The following NPAS1 variants were observed in gnomAD, a reference collection of about 807,000 sequenced individuals.
NPAS1 encodes the protein neuronal PAS domain-containing protein 1.
NPAS1 carries 29 observed loss-of-function variants against 49.2 expected under a neutral mutation model. That is an observed-to-expected ratio of 0.59 (90% CI 0.44 to 0.80). The LOEUF (loss-of-function observed/expected upper bound fraction) is 0.80. Ranked by LOEUF, NPAS1 falls within the 30% of genes least tolerant of loss-of-function variation. The pLI is 0.00. For missense variants in NPAS1, 825 were observed against 835.5 expected, an observed-to-expected ratio of 0.99 and a Z score of 0.15; for synonymous variants, 408 against 380.4, an observed-to-expected ratio of 1.07 and a Z score of -0.84.
intron 11 of NPAS1, 68 bp downstream of exon 11, chr19:47,042,972 C>G: frequency 8.2e-7 from 1 of 1,218,300 alleles, no homozygotes; most frequent in Non-Finnish European, 1.1e-6. Flanking sequence ...GCTGTCCATT[C>G]CAGAAGCCAC....
chr19:47,037,221 G>A (rs1326285150), intron 6 of NPAS1, among the ~76,000 whole-genome samples: 1 of 151,278 alleles, frequency 6.6e-6, no homozygotes, highest in Admixed American at 6.6e-5. Flanking sequence ...GCGTGGTGCA[G>A]GTGCCTGTGA....
chr19:47,032,354 G>A lies in NPAS1; in HGVS notation c.432+3G>A, dbSNP rs2056912228. The A allele has an allele frequency of 1.2e-6, 2 of 1,613,890 alleles. No homozygotes were observed. Among genetic ancestry groups the A allele is most frequent in the Non-Finnish European group, 1.7e-6 (2 of 1,179,880 alleles). On this transcript the variant is annotated splice_donor_region_variant and intron_variant, in intron 4 of 11. Coordinates refer to ENST00000602212, the MANE Select transcript of NPAS1 (RefSeq NM_002517.4). ...ACCTGGGAGGTCACATCTTGCAGGT[G>A]AGTGAGGCCCCTTCCCTGCCTGCCG... is the stretch of plus-strand genomic sequence containing the variant.
chr19:47,023,227 G>T (rs1303868306), intron 3 of NPAS1, among the ~76,000 whole-genome samples: 1 of 152,166 alleles, frequency 6.6e-6, no homozygotes, highest in African/African-American at 2.4e-5. Flanking sequence ...CATGTGCGCC[G>T]GCGGGGGATA....
In NPAS1 at chr19:47,036,074, C is replaced by T. The variant is rs764250281; in HGVS notation, c.633C>T (p.Pro211=). 2.5e-6 allele frequency: 4 copies of T among 1,593,176 alleles called. No homozygotes were observed. Among genetic ancestry groups the T allele is most frequent in the Admixed American group, 1.8e-5 (1 of 56,634 alleles). ...CGACGCCCGGCCCCCCAACCCCGCC[C>T]TCCGTCTCCTCTTCCTCCTCCTCTT... ...RTPTPGPPTP[P]SVSSSSSSSS... The change falls in exon 6 of 12, where the codon CCC becomes CCT. Residue 211 remains proline, a synonymous_variant. Transcript: ENST00000602212.
intron 1 of NPAS1, 110 bp from the exon 2 acceptor site, chr19:47,020,896 C>A (rs1228685664): frequency 0.029 from 1,857 of 64,626 alleles, 16 homozygotes; most frequent in African/African-American, 0.035. Flanking sequence ...TCATCCAGGC[C>A]CCCCCCCCCC....
At chr19:47,029,024 C>G (rs893420483) in intron 3 of NPAS1, among the ~76,000 whole-genome samples, 24 of 151,990 alleles carry the variant, frequency 1.6e-4, no homozygotes, top group African/African-American at 5.8e-4. Context: ...ATCTCTTTTC[C>G]TCTGTCTCTC....
chr19:47,022,242 A>C (rs2056847122), intron 3 of NPAS1, among the ~76,000 whole-genome samples: 1 of 152,274 alleles, frequency 6.6e-6, no homozygotes, highest in East Asian at 1.9e-4. Flanking sequence ...CTGGATCCAG[A>C]CCTGAGGGGC....
At position 47,040,440 on chromosome 19, in the gene NPAS1, C is replaced by G. The variant is rs759169112; in HGVS notation, c.963-4C>G. ...CTCCTCCCCTCTTCTCTGTCACCCC[C>G]CAGAGTCAGCGACCACATGGACCTG... is the stretch of plus-strand genomic sequence containing the variant. On this transcript the variant is annotated splice_polypyrimidine_tract_variant and splice_region_variant and intron_variant, in intron 8 of 11. Transcript: ENST00000602212. 1.3e-6 allele frequency: 2 copies of G among 1,581,436 alleles called. No homozygotes were observed. Among genetic ancestry groups the G allele is most frequent in the Non-Finnish European group, 1.7e-6 (2 of 1,162,862 alleles).
At chr19:47,020,307 G>A (rs1398554775) in intron 1 of NPAS1, among the ~76,000 whole-genome samples, 4 of 152,036 alleles carry the variant, frequency 2.6e-5, no homozygotes, top group African/African-American at 9.7e-5. Context: ...CAGGAGACCA[G>A]GACACCTGGG....
chr19:47,029,399 A>T (rs944032432), intron 3 of NPAS1, among the ~76,000 whole-genome samples: 2 of 135,012 alleles, frequency 1.5e-5, no homozygotes, highest in East Asian at 4.5e-4. Context: ...ATTTTTATTT[A>T]TTATTATTAT....
In NPAS1 at chr19:47,040,480, G is replaced by C. The variant is rs1159911546; in HGVS notation, c.999G>C (p.Leu333=). Residue 333 remains leucine (L), a synonymous_variant, in exon 9 of 12, where the codon CTG becomes CTC. Coordinates refer to ENST00000602212, the MANE Select transcript of NPAS1 (RefSeq NM_002517.4). ...SDHMDLGPSE[L]VGRSCYQFVH... is the part of the protein sequence containing the mutation. ...ACATGGACCTGGGGCCCTCAGAGCT[G>C]GTGGGCCGCAGCTGCTACCAGTTTG... The C allele has an allele frequency of 1.9e-6, 3 of 1,604,372 alleles. No individual in the cohort carries two copies. The highest frequency in any genetic ancestry group is 4.5e-5 in the East Asian group (2 of 44,424).
Position 47,021,196 on chromosome 19 carries a change from GC to G in NPAS1, c.122+28del. On this transcript the variant is annotated intron_variant, in intron 2 of 11. Transcript: ENST00000602212. The surrounding 1 kb of genome is among the most constrained non-coding windows in gnomAD (Gnocchi z 5.7). ...TGAGCAAAGCCCCGCCCCCCTGGCCGCGGGCCCCCCCCCGGGTCCAATTCAC... is the reference window on the plus strand; with the variant it reads ...TGAGCAAAGCCCCGCCCCCCTGGCCGGGGCCCCCCCCCGGGTCCAATTCAC... 1 of 1,487,306 alleles carries G rather than the reference GC, an allele frequency of 6.7e-7. No homozygotes were observed. The highest frequency in any genetic ancestry group is 1.5e-5 in the African/African-American group (1 of 68,614). 92.1% of individuals were successfully genotyped at this position (1,487,306 alleles called of 1,614,324 possible).
rs1400301481 is a variant in NPAS1, at chr19:47,045,074, AAAC to A, written c.1313-116_1313-114del. The A allele has an allele frequency of 1.1e-3, 1,060 of 959,468 alleles. 15 individuals are homozygous for A. The African/African-American group carries it at 0.017, about 16-fold the overall frequency. The allele number at this position is 959,468 out of a possible 1,614,324, so 59.4% of individuals were successfully genotyped here. ...AAACAAAACAAACAAACAAAAAAAA[AAAC>A]CCCACTCCCAGCTGAGAACTACAGG... is the stretch of plus-strand genomic sequence containing the variant. On this transcript the variant is annotated intron_variant, in intron 11 of 11. Coordinates refer to ENST00000602212, the MANE Select transcript of NPAS1 (RefSeq NM_002517.4).
At chr19:47,038,168 A>T (rs1216003355) in intron 6 of NPAS1, among the ~76,000 whole-genome samples, 1 of 152,208 alleles carries the variant, frequency 6.6e-6, no homozygotes, top group Non-Finnish European at 1.5e-5. Flanking sequence ...TCAAGGCCTC[A>T]GGAAGCTATG....
intron 10 of NPAS1, 63 bp downstream of exon 10, chr19:47,041,188 A>G: frequency 7.1e-7 from 1 of 1,405,756 alleles, no homozygotes; most frequent in Non-Finnish European, 9.4e-7. Context: ...CCCCACCTCC[A>G]GTGGGGGTGC....
At position 47,040,959 on chromosome 19, in the gene NPAS1, C is replaced by CT. The variant is rs1485712839; in HGVS notation, c.1070-18dup. 6.9e-7 allele frequency: 1 copy of CT among 1,443,656 alleles called. No homozygotes were observed. Among genetic ancestry groups the CT allele is most frequent in the East Asian group, 2.6e-5 (1 of 38,940 alleles). 89.4% of individuals were successfully genotyped at this position (1,443,656 alleles called of 1,614,324 possible). A position where few individuals can be genotyped will look rare whatever the true frequency, so the allele number is the denominator to read the frequency against. Reference sequence around the variant, plus strand: ...TCCCCACCCCACCCCCTTCCCATCTCTCCCTGGGCTGGGCCCAGTGCTGGA... The same window carrying CT: ...TCCCCACCCCACCCCCTTCCCATCTCTTCCCTGGGCTGGGCCCAGTGCTGGA... On this transcript the variant is annotated intron_variant, in intron 9 of 11. Transcript: ENST00000602212.
chr19:47,036,367 G>T (rs1247989603), intron 6 of NPAS1, among the ~76,000 whole-genome samples: 2 of 152,230 alleles, frequency 1.3e-5, no homozygotes, highest in Non-Finnish European at 2.9e-5. Flanking sequence ...AAAGGAGTTG[G>T]GAGAGGCTTA....
In NPAS1 at chr19:47,042,713, G is replaced by T. The variant is rs1020775692; in HGVS notation, c.1218-97G>T. 8 of 919,408 alleles carry T rather than the reference G, an allele frequency of 8.7e-6. No homozygotes were observed. In the Admixed American group the frequency reaches 1.2e-4, roughly 13 times the overall value. 57.0% of individuals were successfully genotyped at this position (919,408 alleles called of 1,614,324 possible). Reference sequence around the variant, plus strand: ...GGGTGGGGACTCCACATTTCCCCGTGGGAGTGTCCACACATTGCCACAAGT... The same window carrying T: ...GGGTGGGGACTCCACATTTCCCCGTTGGAGTGTCCACACATTGCCACAAGT... On this transcript the variant is annotated intron_variant, in intron 10 of 11. Transcript: ENST00000602212.
At chr19:47,022,253 C>T (rs967618014) in intron 3 of NPAS1, among the ~76,000 whole-genome samples, 1 of 152,166 alleles carries the variant, frequency 6.6e-6, no homozygotes, top group African/African-American at 2.4e-5. Flanking sequence ...CCTGAGGGGC[C>T]CCGGCGGGAA....
Sources: allele counts gnomAD v4.1 joint callset (sites outside exome capture counted in the v4.1 genomes callset), GRCh38; gene constraint gnomAD v4.1.1; non-coding constraint Gnocchi (gnomAD v3.1); transcripts MANE v1.5; gene names NCBI Gene and HGNC (gene_info 2026-07-23, HGNC 2026-07-21).